HSD17B2: variants seen among roughly 807,000 people sequenced by gnomAD.
The protein encoded by HSD17B2 is 17-beta-hydroxysteroid dehydrogenase type 2.
HSD17B2 carries 32 observed loss-of-function variants against 26.9 expected under a neutral mutation model. The observed-to-expected ratio is 1.19, with a 90% CI of 0.90 to 1.60. HSD17B2 has a LOEUF of 1.60. Among genes scored for constraint, HSD17B2 ranks in the 40% most tolerant of loss-of-function variants. The probability of loss-of-function intolerance (pLI) is 0.00; values close to 1 mark genes in which losing one functional copy is unlikely to be tolerated. For synonymous variants in HSD17B2, 246 were observed against 186.7 expected (o/e 1.32, Z -2.59); for missense variants, 613 against 468.6 (o/e 1.31, Z -2.85).
rs8191090 is a variant in HSD17B2, at chr16:82,049,456, C to T, written c.265+13767C>T. Among the ~76,000 whole-genome samples the T allele has an allele frequency of 1.9e-4, 29 of 152,226 alleles. 2 individuals carry two copies. The East Asian group carries it at 5.4e-3, about 28-fold the overall frequency. On this transcript the variant is annotated intron_variant, in intron 1 of 4. Coordinates refer to ENST00000199936, the MANE Select transcript of HSD17B2 (RefSeq NM_002153.3). The stretch of plus-strand genomic sequence containing the variant: ...CAAAGCAAGTCACATGATGGGTGCC[C>T]CATAATAATAAAGGGAATGGAGATT...
At chr16:82,043,769 T>C (rs1408179130) in intron 1 of HSD17B2, among the ~76,000 whole-genome samples, 1 of 150,698 alleles carries the variant, frequency 6.6e-6, no homozygotes, top group Non-Finnish European at 1.5e-5. Context: ...CTGAACACCA[T>C]TTTCAGGATC....
At chr16:82,086,862 G>A (rs986296675) in intron 3 of HSD17B2, among the ~76,000 whole-genome samples, 1 of 152,160 alleles carries the variant, frequency 6.6e-6, no homozygotes, top group Non-Finnish European at 1.5e-5. Flanking sequence ...TGGTTTTCTG[G>A]TGAGGGCTCT....
intron 4 of HSD17B2, chr16:82,096,382 C>A (rs2142370581): frequency 6.6e-6 from 1 of 152,206 alleles, no homozygotes; most frequent in South Asian, 2.1e-4. Context: ...ACCACCATGC[C>A]CAGCTAATTT....
At chr16:82,045,105 A>T (rs1913882242) in intron 1 of HSD17B2, among the ~76,000 whole-genome samples, 1 of 143,310 alleles carries the variant, frequency 7.0e-6, no homozygotes, top group African/African-American at 2.7e-5. Context: ...CTTGGGTGAC[A>T]GAGTAAAACT....
intron 4 of HSD17B2, chr16:82,095,320 G>C (rs1164371626): frequency 1.3e-5 from 2 of 152,140 alleles, no homozygotes; most frequent in Non-Finnish European, 2.9e-5. Context: ...AGGAGCAATT[G>C]AAACTCCGTT....
chr16:82,097,937 C>G (rs1904900267), intron 4 of HSD17B2, 138 bp from the exon 5 acceptor site: 1 of 783,710 alleles, frequency 1.3e-6, no homozygotes. Flanking sequence ...GACTCTGTAT[C>G]CCAAAAATAA....
intron 1 of HSD17B2, among the ~76,000 whole-genome samples, chr16:82,065,071 G>C (rs1398212237): frequency 6.6e-6 from 1 of 152,242 alleles, no homozygotes; most frequent in African/African-American, 2.4e-5. Flanking sequence ...GTGGACCCCT[G>C]TGGGGAAGGG....
intron 3 of HSD17B2, among the ~76,000 whole-genome samples, chr16:82,077,368 C>G (rs544190373): frequency 7.9e-4 from 121 of 152,304 alleles, no homozygotes; most frequent in Admixed American, 1.5e-3. Flanking sequence ...ATCTACACAT[C>G]TATGGTGAAC....
intron 1 of HSD17B2, among the ~76,000 whole-genome samples, chr16:82,056,748 T>C (rs1170666171): frequency 6.6e-6 from 1 of 152,216 alleles, no homozygotes; most frequent in Non-Finnish European, 1.5e-5. Flanking sequence ...TTCACGGAAG[T>C]TGACTATATT....
intron 3 of HSD17B2, among the ~76,000 whole-genome samples, chr16:82,077,052 A>G (rs1340366009): frequency 6.6e-6 from 1 of 152,240 alleles, no homozygotes; most frequent in Non-Finnish European, 1.5e-5. Flanking sequence ...CCATGTCCAT[A>G]GGTTGGAAAA....
intron 2 of HSD17B2, 85 bp from the exon 3 acceptor site, chr16:82,070,857 C>T: frequency 5.3e-6 from 7 of 1,308,442 alleles, no homozygotes; most frequent in Non-Finnish European, 7.5e-6. Flanking sequence ...CACGTAACAC[C>T]TCTTGCATGG....
chr16:82,068,253 A>C lies in HSD17B2; in HGVS notation c.349A>C (p.Asn117His), dbSNP rs1305286757. 1 of 1,613,694 alleles carries C rather than the reference A, an allele frequency of 6.2e-7. No homozygotes were observed. The highest frequency in any genetic ancestry group is 2.2e-5 in the East Asian group (1 of 44,834). ...GGTATTTGCCGGAGTTTTGAATGAA[A>C]ATGGCCCAGGAGCTGAGGAATTGCG... ...FTVFAGVLNE[N>H]GPGAEELRRT... The change falls in exon 2 of 5, where the codon AAT (asparagine) becomes CAT (histidine). Residue 117 changes from asparagine (N) to histidine (H), a missense_variant. Coordinates refer to ENST00000199936, the MANE Select transcript of HSD17B2 (RefSeq NM_002153.3).
chr16:82,080,348 A>G (rs533172556), intron 3 of HSD17B2, among the ~76,000 whole-genome samples: 54 of 152,132 alleles, frequency 3.5e-4, no homozygotes, highest in Non-Finnish European at 6.8e-4. Context: ...GATATTCTGG[A>G]TGAATCTGAT....
intron 3 of HSD17B2, among the ~76,000 whole-genome samples, chr16:82,087,060 C>T (rs1467008290): frequency 2.6e-5 from 4 of 152,158 alleles, no homozygotes; most frequent in African/African-American, 7.2e-5. Flanking sequence ...TTTCCAAATA[C>T]AGCTATCTTG....
chr16:82,061,080 G>A (rs2143962209), intron 1 of HSD17B2, among the ~76,000 whole-genome samples: 1 of 152,200 alleles, frequency 6.6e-6, no homozygotes, highest in Non-Finnish European at 1.5e-5. Context: ...CCAAGATGGT[G>A]AAACCCCGTC....
At chr16:82,067,310 C>T (rs1914594490) in intron 1 of HSD17B2, among the ~76,000 whole-genome samples, 1 of 152,188 alleles carries the variant, frequency 6.6e-6, no homozygotes, top group African/African-American at 2.4e-5. Flanking sequence ...GAGACGTTAA[C>T]TGTTATATGT....
intron 3 of HSD17B2, among the ~76,000 whole-genome samples, chr16:82,075,633 A>C (rs1408192356): frequency 6.6e-6 from 1 of 152,114 alleles, no homozygotes; most frequent in Non-Finnish European, 1.5e-5. Flanking sequence ...AGATGGATAA[A>C]TTCTTACAGA....
chr16:82,043,009 G>C (rs1913809515), intron 1 of HSD17B2, among the ~76,000 whole-genome samples: 1 of 152,248 alleles, frequency 6.6e-6, no homozygotes, highest in African/African-American at 2.4e-5. Context: ...TCTGGTTCCT[G>C]CAGAGAGGAG....
intron 1 of HSD17B2, among the ~76,000 whole-genome samples, chr16:82,044,817 C>T (rs7205968): frequency 0.1 from 15,670 of 151,984 alleles, 2,684 homozygotes; most frequent in African/African-American, 0.35. Flanking sequence ...CACACTAGGT[C>T]CAGAAAACCA....
Sources: gnomAD v4.1 joint callset for allele counts (sites outside exome capture counted in the v4.1 genomes callset) on GRCh38, gnomAD v4.1.1 for gene constraint, MANE v1.5 for transcripts, NCBI Gene and HGNC (gene_info 2026-07-23, HGNC 2026-07-21) for gene names.